PCSK5: variants seen among roughly 807,000 people sequenced by gnomAD.
PCSK5 encodes the protein prohormone convertase 5.
A neutral mutation model predicts 233.2 loss-of-function variants in PCSK5; 129 were observed. That is an observed-to-expected ratio of 0.55 (90% confidence interval 0.48 to 0.64). PCSK5 has a LOEUF of 0.64. PCSK5 is among the 30% of genes least tolerant of loss of function. The probability of loss-of-function intolerance (pLI) is 0.00; values close to 1 mark genes in which losing one functional copy is unlikely to be tolerated. For synonymous variants in PCSK5, 825 were observed against 879.2 expected, an observed-to-expected ratio of 0.94 and a Z score of 1.09; for missense variants, 2,076 against 2,430.1, an observed-to-expected ratio of 0.85 and a Z score of 3.06.
intron 7 of PCSK5, among the ~76,000 whole-genome samples, chr9:76,086,071 A>G (rs1303014606): frequency 6.6e-6 from 1 of 152,172 alleles, no homozygotes; most frequent in Non-Finnish European, 1.5e-5. Flanking sequence ...TTGGTAATCA[A>G]TGTTAATATT....
At chr9:75,894,717 CT>C (rs1453903082) in intron 1 of PCSK5, among the ~76,000 whole-genome samples, 1 of 152,112 alleles carries the variant, frequency 6.6e-6, no homozygotes, top group Non-Finnish European at 1.5e-5. Context: ...GAACCAGCAC[CT>C]TCTGAGCTGG....
At chr9:76,143,679 TG>T (rs1587681972) in intron 10 of PCSK5, among the ~76,000 whole-genome samples, 1 of 151,982 alleles carries the variant, frequency 6.6e-6, no homozygotes, top group Admixed American at 6.6e-5. Context: ...TTCTTCTAAA[TG>T]AGGAAAGTTG....
At chr9:75,941,165 G>T (rs79053007) in intron 2 of PCSK5, among the ~76,000 whole-genome samples, 4,238 of 152,268 alleles carry the variant, frequency 0.028, 122 homozygotes, top group African/African-American at 0.067. Context: ...TCTTTGGCAG[G>T]TTAACGTGCT....
At chr9:76,046,160 G>GGTTT (rs1829367688) in intron 5 of PCSK5, among the ~76,000 whole-genome samples, 3 of 58,024 alleles carry the variant, frequency 5.2e-5, no homozygotes, top group African/African-American at 1.4e-4. Flanking sequence ...TTTTTCTTTT[G>GGTTT]TTTTTTTTTT....
At chr9:75,894,254 G>A (rs1825722534) in intron 1 of PCSK5, among the ~76,000 whole-genome samples, 1 of 152,138 alleles carries the variant, frequency 6.6e-6, no homozygotes, top group Non-Finnish European at 1.5e-5. Context: ...CACAGTAAAG[G>A]TATAGTTTTG....
chr9:75,972,053 G>A (rs1174439409), intron 2 of PCSK5, among the ~76,000 whole-genome samples: 1 of 151,814 alleles, frequency 6.6e-6, no homozygotes, highest in Non-Finnish European at 1.5e-5. Context: ...GTTAATTTTT[G>A]TATAAGGTAT....
intron 5 of PCSK5, among the ~76,000 whole-genome samples, chr9:76,046,423 G>A (rs1333266728): frequency 2.0e-5 from 3 of 151,320 alleles, no homozygotes; most frequent in Admixed American, 6.6e-5. Flanking sequence ...TGATCCGCCC[G>A]CCTCGGCCTC....
Position 76,159,139 on chromosome 9 carries a change from C to T in PCSK5, c.1587C>T (p.Pro529=). Reference sequence around the variant, plus strand: ...ACCTGGCCATCTACCTGACCTCGCCCTCTGGAACTAGGTCTCAGCTTTTGG... The same window carrying T: ...ACCTGGCCATCTACCTGACCTCGCCTTCTGGAACTAGGTCTCAGCTTTTGG... ...RGDLAIYLTS[P]SGTRSQLLAN... Residue 529 remains proline (P), a synonymous_variant, in exon 12 of 38, where the codon CCC becomes CCT. Coordinates refer to ENST00000674117, the MANE Select transcript of PCSK5 (RefSeq NM_001372043.1). 1.9e-6 allele frequency: 3 copies of T among 1,614,172 alleles called. No individual in the cohort carries two copies. The highest frequency in any genetic ancestry group is 1.1e-5 in the South Asian group (1 of 91,084).
intron 1 of PCSK5, among the ~76,000 whole-genome samples, chr9:75,914,102 C>T (rs908237222): frequency 7.9e-5 from 12 of 152,154 alleles, no homozygotes; most frequent in African/African-American, 2.9e-4. Flanking sequence ...ATCTACAAAT[C>T]GTGTCACAAA....
intron 1 of PCSK5, among the ~76,000 whole-genome samples, chr9:75,898,736 A>G (rs112810705): frequency 3.3e-5 from 5 of 152,062 alleles, no homozygotes; most frequent in African/African-American, 1.2e-4. Context: ...TTTCAACCTT[A>G]TTATTTTGGA....
At chr9:76,310,120 C>T (rs1168258921) in intron 29 of PCSK5, among the ~76,000 whole-genome samples, 5 of 151,860 alleles carry the variant, frequency 3.3e-5, no homozygotes, top group Non-Finnish European at 7.4e-5. Context: ...TGGTGGTGCA[C>T]GCCTGTAGTC....
intron 30 of PCSK5, among the ~76,000 whole-genome samples, chr9:76,311,336 GC>G (rs1329029433): frequency 6.7e-6 from 1 of 149,890 alleles, no homozygotes; most frequent in Admixed American, 6.6e-5. Context: ...GGATGACAAA[GC>G]AGGACCCTGT....
intron 3 of PCSK5, among the ~76,000 whole-genome samples, chr9:76,007,458 A>G (rs964078239): frequency 2.2e-5 from 3 of 135,166 alleles, no homozygotes; most frequent in African/African-American, 8.3e-5. Context: ...GTGTGTAGAA[A>G]GAGGTGGGAA....
At chr9:76,023,669 G>T (rs1828296493) in intron 3 of PCSK5, 69 bp from the exon 4 acceptor site, 2 of 1,396,876 alleles carry the variant, frequency 1.4e-6, no homozygotes, top group Non-Finnish European at 1.9e-6. Flanking sequence ...ACAAAAGAAA[G>T]AAAGAAATAG....
Position 76,295,535 on chromosome 9 carries a change from G to T in PCSK5, c.3322+124G>T, listed in dbSNP as rs1042359555. ...GTGCGTGTGGGCACCTCTGGCCCAA[G>T]GAGAAATTTTAATTTGGTTTAGAAA... is the stretch of plus-strand genomic sequence containing the variant. On this transcript the variant is annotated intron_variant, in intron 26 of 37. Coordinates refer to ENST00000674117, the MANE Select transcript of PCSK5 (RefSeq NM_001372043.1). 4 of 763,694 alleles carry T rather than the reference G, an allele frequency of 5.2e-6. No individual in the cohort carries two copies. The South Asian group carries it at 8.0e-5, about 15-fold the overall frequency. The allele number at this position is 763,694 out of a possible 1,614,324, so 47.3% of individuals were successfully genotyped here.
At chr9:76,247,758 G>A (rs1050474096) in intron 24 of PCSK5, among the ~76,000 whole-genome samples, 1 of 151,934 alleles carries the variant, frequency 6.6e-6, no homozygotes, top group African/African-American at 2.4e-5. Context: ...AGATGGGCAG[G>A]ACTTCACTAG....
At chr9:76,227,759 A>G (rs1043420398) in intron 21 of PCSK5, among the ~76,000 whole-genome samples, 154 bp downstream of exon 21, 3 of 152,180 alleles carry the variant, frequency 2.0e-5, no homozygotes, top group Non-Finnish European at 4.4e-5. Flanking sequence ...TGGTCTGGGC[A>G]CAGCCCAGCT....
At chr9:76,298,923 A>G (rs2131419435) in intron 27 of PCSK5, among the ~76,000 whole-genome samples, 1 of 152,302 alleles carries the variant, frequency 6.6e-6, no homozygotes, top group South Asian at 2.1e-4. Flanking sequence ...ACACACTTCA[A>G]TCCATTCCTT....
intron 5 of PCSK5, among the ~76,000 whole-genome samples, chr9:76,037,893 T>G (rs1193025618): frequency 6.6e-6 from 1 of 152,172 alleles, no homozygotes; most frequent in Non-Finnish European, 1.5e-5. Flanking sequence ...TTCTCCACTC[T>G]CAGGCGAAGC....
Sources: allele counts gnomAD v4.1 joint callset (sites outside exome capture counted in the v4.1 genomes callset), GRCh38; gene constraint gnomAD v4.1.1; transcripts MANE v1.5; gene names NCBI Gene and HGNC (gene_info 2026-07-23, HGNC 2026-07-21).